LRRC4C: variants seen among roughly 807,000 people sequenced by gnomAD.
LRRC4C encodes leucine-rich repeat-containing protein 4C.
LRRC4C carries 5 observed loss-of-function variants against 33.6 expected under a neutral mutation model. The observed-to-expected ratio is 0.15, with a 90% CI of 0.08 to 0.31. The LOEUF is 0.31. LRRC4C is among the 10% of genes least tolerant of loss of function. The pLI is 1.00. For missense variants in LRRC4C, 560 were observed against 796.7 expected (o/e 0.70, Z 3.58); for synonymous variants, 329 against 302.0 (o/e 1.09, Z -0.93).
At chr11:40,344,955 A>G (rs1383634711) in intron 3 of LRRC4C, among the ~76,000 whole-genome samples, 1 of 152,182 alleles carries the variant, frequency 6.6e-6, no homozygotes, top group African/African-American at 2.4e-5. Flanking sequence ...AGGGAGATAA[A>G]AGATATCTAC....
chr11:40,442,363 A>G (rs1951437053), intron 3 of LRRC4C, among the ~76,000 whole-genome samples: 1 of 152,134 alleles, frequency 6.6e-6, no homozygotes, highest in African/African-American at 2.4e-5. Flanking sequence ...TTACTAATTT[A>G]CAAAATATTT....
At chr11:40,530,563 A>G (rs767764737) in intron 3 of LRRC4C, among the ~76,000 whole-genome samples, 1 of 152,150 alleles carries the variant, frequency 6.6e-6, no homozygotes, top group African/African-American at 2.4e-5. Flanking sequence ...GACCCTCAGT[A>G]ACTATAGACA....
chr11:40,290,832 C>A lies in LRRC4C; in HGVS notation c.-176+28796G>T, dbSNP rs984717902. Among the ~76,000 whole-genome samples the A allele has an allele frequency of 8.6e-5, 13 of 151,954 alleles. 1 individual carries two copies. The highest frequency in any genetic ancestry group is 7.9e-4 in the Admixed American group (12 of 15,262). ...AGAAAATGAATGTTGGAGTTTGTAA[C>A]CCTGGAGGTCTAAACTGGCAGAAGT... On this transcript the variant is annotated intron_variant, in intron 4 of 6. Coordinates refer to ENST00000528697, the MANE Select transcript of LRRC4C (RefSeq NM_001258419.2).
rs1050133587 is a variant in LRRC4C at position 40,706,058 on chromosome 11, A to AT, written c.-406-57781dup. On this transcript the variant is annotated intron_variant, in intron 2 of 6. Transcript: ENST00000528697. ...GCCCACATTTCCATGGGGTTATTTG[A>AT]TTTTTTTTTCTTGTAAATTTGTTCC... Among the ~76,000 whole-genome samples, 21 of 150,584 alleles carry AT rather than the reference A, an allele frequency of 1.4e-4. No homozygotes were observed. In the South Asian group the frequency reaches 1.7e-3, roughly 12 times the overall value.
At position 40,745,913 on chromosome 11, in the gene LRRC4C, A is replaced by G. The variant is rs916789916; in HGVS notation, c.-406-97635T>C. Among the ~76,000 whole-genome samples the G allele has an allele frequency of 3.3e-5, 5 of 152,324 alleles. No individual in the cohort carries two copies. The South Asian group carries it at 8.3e-4, about 25-fold the overall frequency. On this transcript the variant is annotated intron_variant, in intron 2 of 6. Coordinates refer to ENST00000528697, the MANE Select transcript of LRRC4C (RefSeq NM_001258419.2). ...GTTATGCAGTTTAAAAAGGCAATAT[A>G]TGACTTCAAAATGGCTGACCAGATG...
chr11:40,416,313 T>C (rs1950322169), intron 3 of LRRC4C, among the ~76,000 whole-genome samples: 2 of 152,004 alleles, frequency 1.3e-5, no homozygotes, highest in Non-Finnish European at 2.9e-5. Flanking sequence ...ATAATTAAAC[T>C]GGGATAAAAA....
chr11:40,910,324 G>C (rs777051931), intron 2 of LRRC4C, among the ~76,000 whole-genome samples: 1 of 151,966 alleles, frequency 6.6e-6, no homozygotes, highest in Admixed American at 6.6e-5. Flanking sequence ...AAAAAGGAAA[G>C]GATTAGGAAG....
chr11:40,887,017 C>CAT (rs1340050433), intron 2 of LRRC4C, among the ~76,000 whole-genome samples: 31 of 149,812 alleles, frequency 2.1e-4, no homozygotes, highest in Admixed American at 1.3e-4. Context: ...CACACACACA[C>CAT]ATACGAGAAA....
intron 3 of LRRC4C, among the ~76,000 whole-genome samples, chr11:40,452,825 T>C (rs1419294755): frequency 6.6e-6 from 1 of 152,116 alleles, no homozygotes; most frequent in African/African-American, 2.4e-5. Flanking sequence ...ATGTGGCACA[T>C]ATACACCATG....
At chr11:40,636,253 T>C (rs1430757735) in intron 3 of LRRC4C, among the ~76,000 whole-genome samples, 1 of 152,112 alleles carries the variant, frequency 6.6e-6, no homozygotes, top group Non-Finnish European at 1.5e-5. Context: ...TCTCTACCCA[T>C]TGTGGAAACG....
chr11:41,255,358 T>C (rs183041404), intron 1 of LRRC4C, among the ~76,000 whole-genome samples: 1 of 151,994 alleles, frequency 6.6e-6, no homozygotes, highest in African/African-American at 2.4e-5. Flanking sequence ...ACAAACACAA[T>C]AGTGACAGAA....
intron 1 of LRRC4C, among the ~76,000 whole-genome samples, chr11:41,140,780 AG>A (rs1460564551): frequency 6.6e-6 from 1 of 152,204 alleles, no homozygotes; most frequent in East Asian, 1.9e-4. Flanking sequence ...CCTCTCCCCT[AG>A]TTTAATAATT....
chr11:40,990,524 G>T (rs1465303925), intron 1 of LRRC4C, among the ~76,000 whole-genome samples: 3 of 151,876 alleles, frequency 2.0e-5, no homozygotes, highest in Non-Finnish European at 2.9e-5. Flanking sequence ...TGGATCAGTG[G>T]TTCTCAATGC....
At chr11:41,142,137 A>G (rs896020182) in intron 1 of LRRC4C, among the ~76,000 whole-genome samples, 1 of 152,130 alleles carries the variant, frequency 6.6e-6, no homozygotes, top group South Asian at 2.1e-4. Context: ...ATATATATAT[A>G]ACAGGTATTA....
chr11:41,097,154 G>A (rs1349270020), intron 1 of LRRC4C, among the ~76,000 whole-genome samples: 1 of 152,162 alleles, frequency 6.6e-6, no homozygotes, highest in African/African-American at 2.4e-5. Flanking sequence ...GAGGAGTCGT[G>A]ATGCTCATGA....
rs1193183421 is a variant in LRRC4C at position 40,500,307 on chromosome 11, C to T, written c.-270+147835G>A. Among the ~76,000 whole-genome samples the T allele has an allele frequency of 1.6e-3, 228 of 141,944 alleles. 2 individuals are homozygous for T. The highest frequency in any genetic ancestry group is 4.8e-3 in the African/African-American group (181 of 37,342). 93.1% of individuals were successfully genotyped at this position (141,944 alleles called of 152,430 possible). ...ATATATATATATACACACACACACA[C>T]ACACACACACACACACACACACACA... On this transcript the variant is annotated intron_variant, in intron 3 of 6. Coordinates refer to ENST00000528697, the MANE Select transcript of LRRC4C (RefSeq NM_001258419.2).
At chr11:40,666,537 T>A (rs1271616010) in intron 2 of LRRC4C, among the ~76,000 whole-genome samples, 1 of 152,156 alleles carries the variant, frequency 6.6e-6, no homozygotes, top group African/African-American at 2.4e-5. Flanking sequence ...TGTGGCTATA[T>A]GTTTGCAATG....
intron 1 of LRRC4C, among the ~76,000 whole-genome samples, chr11:41,076,938 T>C (rs1022700418): frequency 3.9e-5 from 6 of 152,016 alleles, no homozygotes; most frequent in African/African-American, 1.4e-4. Context: ...ATGGGAGAAA[T>C]TGGCCAAAAA....
At chr11:40,313,709 G>T (rs1945436511) in intron 4 of LRRC4C, among the ~76,000 whole-genome samples, 2 of 138,662 alleles carry the variant, frequency 1.4e-5, no homozygotes, top group African/African-American at 5.4e-5. Context: ...CCGGGTTCAC[G>T]CCATTCTCTT....
Sources: gnomAD v4.1 joint callset for allele counts (sites outside exome capture counted in the v4.1 genomes callset) on GRCh38, gnomAD v4.1.1 for gene constraint, MANE v1.5 for transcripts, NCBI Gene and HGNC (gene_info 2026-07-23, HGNC 2026-07-21) for gene names.